Variants in MED13L observed in about 807,000 individuals in gnomAD.
MED13L encodes mediator of RNA polymerase II transcription subunit 13-like.
A neutral mutation model predicts 220.9 loss-of-function variants in MED13L; 7 were observed. That is an observed-to-expected ratio of 0.03 (90% CI 0.02 to 0.06). MED13L has a LOEUF of 0.06. Ranked by LOEUF, MED13L falls within the 10% of genes least tolerant of loss-of-function variation. The pLI is 1.00. For missense variants in MED13L, 1,965 were observed against 2,760.5 expected (o/e 0.71, Z 6.46); for synonymous variants, 1,011 against 1,015.2 (o/e 1.00, Z 0.08).
intron 1 of MED13L, among the ~76,000 whole-genome samples, chr12:116,250,025 TAAAAAAAAAA>T (rs71095516): frequency 7.4e-5 from 3 of 40,462 alleles, no homozygotes; most frequent in African/African-American, 3.5e-4. Context: ...CAGCATAAAC[TAAAAAAAAAA>T]AAAAAAAAAA....
chr12:116,122,100 T>A (rs986896804), intron 2 of MED13L, among the ~76,000 whole-genome samples: 1 of 148,644 alleles, frequency 6.7e-6, no homozygotes, highest in Admixed American at 6.7e-5. Flanking sequence ...TCGTAGTGTT[T>A]AAAAAAAAAA....
intron 4 of MED13L, among the ~76,000 whole-genome samples, chr12:116,044,107 G>C (rs1051757566): frequency 6.6e-6 from 1 of 152,200 alleles, no homozygotes; most frequent in Admixed American, 6.5e-5. Flanking sequence ...AACAGCAAGA[G>C]AAGGAGGTCC....
intron 2 of MED13L, among the ~76,000 whole-genome samples, chr12:116,122,529 T>G (rs1008523975): frequency 6.6e-6 from 1 of 152,224 alleles, no homozygotes; most frequent in Non-Finnish European, 1.5e-5. Context: ...AACAAATCTA[T>G]GTTGGAAATG....
At chr12:116,258,445 G>T (rs939053310) in intron 1 of MED13L, among the ~76,000 whole-genome samples, 4 of 152,066 alleles carry the variant, frequency 2.6e-5, no homozygotes, top group African/African-American at 9.7e-5. Context: ...TTGAAATACA[G>T]ATTCCTTTTA....
chr12:116,012,738 G>T, intron 9 of MED13L, 59 bp downstream of exon 9: 1 of 1,182,926 alleles, frequency 8.5e-7, no homozygotes, highest in Non-Finnish European at 1.3e-6. Flanking sequence ...GCCAGGAGAT[G>T]AATCAACAAG....
chr12:115,983,059 G>C, intron 21 of MED13L, 58 bp downstream of exon 21: 2 of 1,558,264 alleles, frequency 1.3e-6, no homozygotes, highest in African/African-American at 2.7e-5. Flanking sequence ...AGGTGCAGAA[G>C]AAGAAGAGAG....
chr12:116,271,813 G>A (rs552572583), intron 1 of MED13L, among the ~76,000 whole-genome samples: 1 of 151,958 alleles, frequency 6.6e-6, no homozygotes, highest in South Asian at 2.1e-4. Context: ...ATACCTAATA[G>A]TCAACCATAC....
intron 2 of MED13L, among the ~76,000 whole-genome samples, chr12:116,204,720 C>A (rs1358924475): frequency 6.6e-6 from 1 of 152,162 alleles, no homozygotes; most frequent in Admixed American, 6.5e-5. Context: ...TTTCCCTAGA[C>A]CTGGCTCCTG....
At chr12:116,048,000 T>C (rs1012327199) in intron 4 of MED13L, among the ~76,000 whole-genome samples, 10 of 152,050 alleles carry the variant, frequency 6.6e-5, no homozygotes, top group Non-Finnish European at 8.8e-5. Flanking sequence ...AAATCAGTTA[T>C]GAGTTATACC....
intron 4 of MED13L, among the ~76,000 whole-genome samples, chr12:116,092,181 G>A (rs1872278250): frequency 6.6e-6 from 1 of 152,176 alleles, no homozygotes; most frequent in Non-Finnish European, 1.5e-5. Context: ...GTAAATTTAT[G>A]AGTAAAACAG....
chr12:116,019,073 T>G, intron 7 of MED13L, 151 bp downstream of exon 7: 1 of 729,720 alleles, frequency 1.4e-6, no homozygotes. Context: ...TGTTTATAGT[T>G]TTCCTTCTCC....
At chr12:116,134,459 G>A (rs994937397) in intron 2 of MED13L, among the ~76,000 whole-genome samples, 7 of 152,104 alleles carry the variant, frequency 4.6e-5, no homozygotes, top group African/African-American at 1.7e-4. Flanking sequence ...CGGTCTCAGC[G>A]GTGAAGCAAA....
chr12:116,236,853 T>C (rs1870128754), intron 2 of MED13L: 1 of 984,966 alleles, frequency 1.0e-6, no homozygotes, highest in Non-Finnish European at 1.2e-6. Flanking sequence ...AGATGCAATC[T>C]GAAGCTAAAA....
At chr12:115,968,784 T>G (rs1313193060) in intron 28 of MED13L, among the ~76,000 whole-genome samples, 156 bp downstream of exon 28, 2 of 152,254 alleles carry the variant, frequency 1.3e-5, no homozygotes, top group African/African-American at 4.8e-5. Flanking sequence ...CTATTCAAAA[T>G]GGAACCATAG....
intron 7 of MED13L, among the ~76,000 whole-genome samples, chr12:116,018,908 A>G (rs558034086): frequency 1.4e-5 from 2 of 138,536 alleles, no homozygotes; most frequent in African/African-American, 5.3e-5. Context: ...AAAAAAAAAA[A>G]AAACAAAAAA....
intron 4 of MED13L, among the ~76,000 whole-genome samples, chr12:116,056,062 G>T (rs61939680): frequency 1.3e-5 from 2 of 151,960 alleles, no homozygotes; most frequent in Non-Finnish European, 2.9e-5. Flanking sequence ...GATTTCATGG[G>T]TGGTTTAGTA....
At chr12:116,004,202 T>G (rs976411072) in intron 13 of MED13L, among the ~76,000 whole-genome samples, 3 of 152,168 alleles carry the variant, frequency 2.0e-5, no homozygotes, top group African/African-American at 7.2e-5. Context: ...TTGTACCTCC[T>G]TTTCTTTTCA....
intron 2 of MED13L, among the ~76,000 whole-genome samples, chr12:116,162,365 A>C (rs1014561659): frequency 6.6e-6 from 1 of 152,244 alleles, no homozygotes; most frequent in Non-Finnish European, 1.5e-5. Flanking sequence ...TGAATCGAGA[A>C]TAAAAGCCAA....
At chr12:116,269,466 C>CAAAAA (rs34100053) in intron 1 of MED13L, among the ~76,000 whole-genome samples, 170 of 68,912 alleles carry the variant, frequency 2.5e-3, no homozygotes, top group East Asian at 5.5e-3. Context: ...TTAAACTATG[C>CAAAAA]AAAAAAAAAA....
Sources: allele counts gnomAD v4.1 joint callset (sites outside exome capture counted in the v4.1 genomes callset), GRCh38; gene constraint gnomAD v4.1.1; transcripts MANE v1.5; gene names NCBI Gene and HGNC (gene_info 2026-07-23, HGNC 2026-07-21).